Variants in WNK1 observed in about 807,000 individuals in gnomAD.
WNK1 encodes WNK lysine deficient protein kinase 1.
A neutral mutation model predicts 222.8 loss-of-function variants in WNK1; 38 were observed. That is an observed-to-expected ratio of 0.17 (90% CI 0.13 to 0.22). The LOEUF is 0.22. Ranked by LOEUF, WNK1 falls within the 10% of genes least tolerant of loss-of-function variation. The pLI is 1.00. For missense variants in WNK1, 2,348 were observed against 2,918.4 expected (o/e 0.80, Z 4.50); for synonymous variants, 1,090 against 1,092.9 (o/e 1.00, Z 0.05).
chr12:840,566 A>G (rs1470296390), intron 4 of WNK1, among the ~76,000 whole-genome samples: 3 of 152,196 alleles, frequency 2.0e-5, no homozygotes, highest in Admixed American at 6.5e-5. Context: ...ACTTGCTTCC[A>G]TATTATTTAT....
chr12:892,780 A>G (rs1954372479), intron 22 of WNK1, among the ~76,000 whole-genome samples: 1 of 152,218 alleles, frequency 6.6e-6, no homozygotes, highest in Admixed American at 6.5e-5. Context: ...AGTGATAGCA[A>G]TTCCCACCTC....
chr12:859,401 T>C lies in WNK1; in HGVS notation c.1557T>C (p.Asn519=). The change falls in exon 6 of 28, where the codon AAT becomes AAC. Residue 519 remains asparagine (N), a synonymous_variant. Transcript: ENST00000315939. ...IKKLKGKYKD[N]EAIEFSFDLE... The stretch of plus-strand genomic sequence containing the variant: ...AATTAAAGGGAAAATACAAAGATAA[T>C]GAAGCTATTGAGTTTTCTTTTGATT... The C allele has an allele frequency of 6.2e-7, 1 of 1,612,880 alleles. No homozygotes were observed. Among genetic ancestry groups the C allele is most frequent in the South Asian group, 1.1e-5 (1 of 90,882 alleles).
At chr12:888,217 C>A (rs1156346046) in intron 20 of WNK1, among the ~76,000 whole-genome samples, 1 of 152,094 alleles carries the variant, frequency 6.6e-6, no homozygotes, top group African/African-American at 2.4e-5. Flanking sequence ...ATCCCTATTT[C>A]TTTGGTCCCA....
At chr12:882,228 G>T (rs1385844745) in intron 14 of WNK1, among the ~76,000 whole-genome samples, 155 bp downstream of exon 14, 1 of 150,746 alleles carries the variant, frequency 6.6e-6, no homozygotes, top group Non-Finnish European at 1.5e-5. Context: ...ACGGAGTCTC[G>T]CTCTGTCGCC....
intron 4 of WNK1, chr12:851,463 T>C: frequency 1.7e-6 from 2 of 1,145,336 alleles, no homozygotes; most frequent in South Asian, 2.0e-5. Context: ...ATTAACAGAA[T>C]AGTTTTCCTG....
intron 4 of WNK1, among the ~76,000 whole-genome samples, chr12:847,801 C>CTTTTTTTTTTT (rs898832948): frequency 1.5e-5 from 1 of 68,648 alleles, no homozygotes; most frequent in Non-Finnish European, 2.6e-5. Context: ...GATTAATTCT[C>CTTTTTTTTTTT]TTTTTTTTTT....
chr12:792,414 G>A (rs986808786), intron 1 of WNK1, among the ~76,000 whole-genome samples: 1 of 147,634 alleles, frequency 6.8e-6, no homozygotes, highest in African/African-American at 2.5e-5. Context: ...CCAGCCTCAA[G>A]TGATTCTCCC....
chr12:851,331 G>C (rs772203631), intron 4 of WNK1: 1 of 992,100 alleles, frequency 1.0e-6, no homozygotes, highest in East Asian at 1.1e-4. Context: ...AAGCATCCAA[G>C]AAAGGTTTTG....
intron 1 of WNK1, among the ~76,000 whole-genome samples, chr12:802,030 G>A (rs1945929843): frequency 6.6e-6 from 1 of 152,094 alleles, no homozygotes; most frequent in African/African-American, 2.4e-5. Flanking sequence ...CTGCATGTAA[G>A]AATATTAGTA....
chr12:879,477 T>TTTGC, intron 10 of WNK1, 96 bp from the exon 11 acceptor site: 7 of 782,206 alleles, frequency 8.9e-6, no homozygotes, highest in East Asian at 3.2e-5. Flanking sequence ...TTCCTTCTTT[T>TTTGC]TGGCTAATAC....
chr12:886,727 T>C (rs188075197), intron 19 of WNK1, among the ~76,000 whole-genome samples: 6 of 152,340 alleles, frequency 3.9e-5, no homozygotes, highest in Admixed American at 2.6e-4. Flanking sequence ...GTTCTTTTTA[T>C]AGTAGGATAA....
At chr12:764,899 C>T (rs1194550499) in intron 1 of WNK1, among the ~76,000 whole-genome samples, 4 of 147,354 alleles carry the variant, frequency 2.7e-5, no homozygotes, top group South Asian at 2.2e-4. Flanking sequence ...AGTGCAGTGG[C>T]GTGATCTTGG....
At chr12:783,489 C>CA (rs1943936952) in intron 1 of WNK1, among the ~76,000 whole-genome samples, 1 of 83,508 alleles carries the variant, frequency 1.2e-5, no homozygotes, top group African/African-American at 4.1e-5. Context: ...GCTGTCTCCA[C>CA]CAAAAAAAAA....
chr12:908,367 A>T, intron 27 of WNK1, 108 bp from the exon 28 acceptor site: 1 of 1,199,808 alleles, frequency 8.3e-7, no homozygotes, highest in Non-Finnish European at 1.2e-6. Flanking sequence ...ATACTACAGA[A>T]GACTGTTCTG....
At chr12:829,200 T>G (rs752104799) in intron 3 of WNK1, among the ~76,000 whole-genome samples, 1 of 152,190 alleles carries the variant, frequency 6.6e-6, no homozygotes, top group Non-Finnish European at 1.5e-5. Context: ...GACCTAATTT[T>G]CTGGAAGCAT....
intron 1 of WNK1, among the ~76,000 whole-genome samples, chr12:756,817 A>T (rs1940112585): frequency 6.6e-6 from 1 of 152,238 alleles, no homozygotes; most frequent in Non-Finnish European, 1.5e-5. Context: ...TCCTTTTAAT[A>T]TACATATATT....
At chr12:773,846 G>A (rs1444993183) in intron 1 of WNK1, among the ~76,000 whole-genome samples, 1 of 152,014 alleles carries the variant, frequency 6.6e-6, no homozygotes, top group Non-Finnish European at 1.5e-5. Context: ...TTCCTTATGT[G>A]CATATGCCAT....
intron 1 of WNK1, 25 bp from the exon 2 acceptor site, chr12:813,617 A>G (rs1389697405): frequency 2.5e-6 from 4 of 1,611,192 alleles, no homozygotes; most frequent in African/African-American, 2.7e-5. Flanking sequence ...TTTAAACCAC[A>G]TTCTGTTTTG....
At chr12:903,467 A>G (rs977561279) in intron 26 of WNK1, among the ~76,000 whole-genome samples, 1 of 152,164 alleles carries the variant, frequency 6.6e-6, no homozygotes, top group African/African-American at 2.4e-5. Context: ...GTAGAATGTG[A>G]CATGTCAGGC....
Sources: gnomAD v4.1 joint callset for allele counts (sites outside exome capture counted in the v4.1 genomes callset) on GRCh38, gnomAD v4.1.1 for gene constraint, MANE v1.5 for transcripts, NCBI Gene and HGNC (gene_info 2026-07-23, HGNC 2026-07-21) for gene names.